The following ATG16L1 variants were observed in gnomAD, a reference collection of about 807,000 sequenced individuals.
ATG16L1 encodes the protein autophagy-related protein 16-1.
In ATG16L1, 37 loss-of-function variants were observed where a neutral mutation model predicts 88.5. That is an observed-to-expected ratio of 0.42 (90% CI 0.32 to 0.55). The LOEUF is 0.55. ATG16L1 is among the 20% of genes least tolerant of loss of function. The pLI, the probability that ATG16L1 is intolerant of heterozygous loss-of-function variation, is 0.13. For synonymous variants in ATG16L1, 301 were observed against 281.0 expected (o/e 1.07, Z -0.71); for missense variants, 554 against 752.8 (o/e 0.74, Z 3.09).
chr2:233,289,789 T>C, intron 12 of ATG16L1, 65 bp from the exon 13 acceptor site: 1 of 1,592,232 alleles, frequency 6.3e-7, no homozygotes, highest in Non-Finnish European at 8.6e-7. Flanking sequence ...ATGCTGTGGA[T>C]ACTTTGCCAG....
At position 233,289,404 on chromosome 2, in the gene ATG16L1, T is replaced by A. The variant is rs531348935; in HGVS notation, c.1204-450T>A. Among the ~76,000 whole-genome samples, 103 of 131,062 alleles carry A rather than the reference T, an allele frequency of 7.9e-4. No homozygotes were observed. In the South Asian group the frequency reaches 0.013, roughly 17 times the overall value. 86.0% of individuals were successfully genotyped at this position (131,062 alleles called of 152,430 possible). A position where few individuals can be genotyped will look rare whatever the true frequency, so the allele number is the denominator to read the frequency against. On this transcript the variant is annotated intron_variant, in intron 12 of 17. Transcript: ENST00000392017. ...GTGTGTGTGTGTGTGTGTGTGTGTG[T>A]GTGTGACAGGATCTTGCTATCACTC...
At chr2:233,257,530 C>G (rs1696877258) in intron 2 of ATG16L1, among the ~76,000 whole-genome samples, 1 of 152,118 alleles carries the variant, frequency 6.6e-6, no homozygotes, top group South Asian at 2.1e-4. Flanking sequence ...TAAGTGTAAC[C>G]TATGATACTC....
chr2:233,263,055 G>T, intron 2 of ATG16L1, 75 bp from the exon 3 acceptor site: 1 of 1,259,674 alleles, frequency 7.9e-7, no homozygotes, highest in Non-Finnish European at 1.1e-6. Context: ...TTGCCTAATT[G>T]GAAAGGTTTG....
chr2:233,253,598 A>G (rs1696566293), intron 1 of ATG16L1, among the ~76,000 whole-genome samples: 1 of 152,092 alleles, frequency 6.6e-6, no homozygotes. Flanking sequence ...TACCTGCCTC[A>G]GCCACCCAAA....
At position 233,283,734 on chromosome 2, in the gene ATG16L1, A is replaced by G. The variant is rs185234056; in HGVS notation, c.1203+981A>G. On this transcript the variant is annotated intron_variant, in intron 12 of 17. Coordinates refer to ENST00000392017, the MANE Select transcript of ATG16L1 (RefSeq NM_030803.7). Reference sequence around the variant, plus strand: ...ATATTTTTAGTAGAGATGGGGTTTCACCATGTTGGCCAGGCTGGTCTTGAA... The same window carrying G: ...ATATTTTTAGTAGAGATGGGGTTTCGCCATGTTGGCCAGGCTGGTCTTGAA... Among the ~76,000 whole-genome samples the G allele has an allele frequency of 3.6e-3, 546 of 151,978 alleles. 4 individuals carry two copies. The highest frequency in any genetic ancestry group is 0.012 in the African/African-American group (517 of 41,406).
chr2:233,263,080 C>T (rs370719376), intron 2 of ATG16L1, 50 bp from the exon 3 acceptor site: 31 of 1,508,260 alleles, frequency 2.1e-5, no homozygotes, highest in Non-Finnish European at 2.5e-5. Flanking sequence ...CTCATTTTTC[C>T]CCCTCCGTTT....
At chr2:233,279,606 T>A (rs538826052) in intron 10 of ATG16L1, among the ~76,000 whole-genome samples, 2 of 152,348 alleles carry the variant, frequency 1.3e-5, no homozygotes, top group South Asian at 4.1e-4. Context: ...AGACCTTTTC[T>A]GAAATAGTTT....
rs1275216106 is a variant in ATG16L1 at position 233,251,678 on chromosome 2, G to A, written c.-150G>A. 1 of 674,434 alleles carries A rather than the reference G, an allele frequency of 1.5e-6. No homozygotes were observed. Among genetic ancestry groups the A allele is most frequent in the Non-Finnish European group, 2.6e-6 (1 of 392,094 alleles). The allele number at this position is 674,434 out of a possible 1,614,324, so 41.8% of individuals were successfully genotyped here. On this transcript the variant is annotated 5_prime_UTR_variant, in exon 1 of 18. Transcript: ENST00000392017. Reference sequence around the variant, plus strand: ...CATTTCCGGCATGAGCCGGAAGACCGTCCCGGATGGCCTCGGGGACTGCCA... The same window carrying A: ...CATTTCCGGCATGAGCCGGAAGACCATCCCGGATGGCCTCGGGGACTGCCA...
chr2:233,292,886 T>G (rs966443562), intron 16 of ATG16L1, among the ~76,000 whole-genome samples: 1 of 152,230 alleles, frequency 6.6e-6, no homozygotes, highest in African/African-American at 2.4e-5. Context: ...GCTCAGTTGC[T>G]AAGATGTTTC....
In ATG16L1 at chr2:233,267,726, A is replaced by G. The variant is rs912598606; in HGVS notation, c.642-2276A>G. On this transcript the variant is annotated intron_variant, in intron 5 of 17. Transcript: ENST00000392017. ...GGTGAGCTGGATGCTGCTAGGTTGC[A>G]TGTTCACGTCAGCTGAGAGGCTGCT... Among the ~76,000 whole-genome samples, 9 of 152,212 alleles carry G rather than the reference A, an allele frequency of 5.9e-5. 1 individual carries two copies. The highest frequency in any genetic ancestry group is 1.2e-4 in the Non-Finnish European group (8 of 68,038).
intron 8 of ATG16L1, 187 bp downstream of exon 8, chr2:233,273,964 G>C: frequency 6.5e-7 from 1 of 1,550,276 alleles, no homozygotes; most frequent in East Asian, 2.4e-5. Flanking sequence ...ATCTCGCTGC[G>C]TGCTGATCTC....
At chr2:233,287,377 A>G (rs1699155803) in intron 12 of ATG16L1, among the ~76,000 whole-genome samples, 1 of 152,196 alleles carries the variant, frequency 6.6e-6, no homozygotes, top group Non-Finnish European at 1.5e-5. Context: ...GATGGTCCCC[A>G]ATGTAGGGTA....
intron 6 of ATG16L1, among the ~76,000 whole-genome samples, chr2:233,271,459 G>A (rs1446980006): frequency 6.6e-6 from 1 of 152,108 alleles, no homozygotes; most frequent in Non-Finnish European, 1.5e-5. Context: ...TGTATTTTTA[G>A]TAGAGATGGG....
chr2:233,285,415 C>G (rs1699009646), intron 12 of ATG16L1, among the ~76,000 whole-genome samples: 1 of 152,190 alleles, frequency 6.6e-6, no homozygotes, highest in Non-Finnish European at 1.5e-5. Context: ...GAGCAGGGAG[C>G]TAGACTGACA....
intron 12 of ATG16L1, among the ~76,000 whole-genome samples, chr2:233,286,971 C>T (rs1452139162): frequency 2.6e-5 from 4 of 152,006 alleles, no homozygotes; most frequent in African/African-American, 9.7e-5. Flanking sequence ...TACGAGGAGC[C>T]AAGAAACAAA....
At chr2:233,254,384 A>G (rs1399439432) in intron 1 of ATG16L1, among the ~76,000 whole-genome samples, 1 of 152,146 alleles carries the variant, frequency 6.6e-6, no homozygotes, top group East Asian at 1.9e-4. Context: ...GATCATTTCT[A>G]TTATAGTTTG....
intron 6 of ATG16L1, 68 bp downstream of exon 6, chr2:233,270,135 ATTTT>A: frequency 8.4e-7 from 1 of 1,195,368 alleles, no homozygotes; most frequent in Non-Finnish European, 1.1e-6. Context: ...TTTTGTTTTT[ATTTT>A]TTTTTTTGTT....
rs569340621 is a variant in ATG16L1 at position 233,295,375 on chromosome 2, CTT to C, written c.*1028_*1029del. 7.8e-5 allele frequency: 12 copies of C among 152,908 alleles called. No individual in the cohort carries two copies. The East Asian group carries it at 2.1e-3, about 26-fold the overall frequency. The allele number at this position is 152,908 out of a possible 1,614,324, so 9.5% of individuals were successfully genotyped here. A position where few individuals can be genotyped will look rare whatever the true frequency, so the allele number is the denominator to read the frequency against. On this transcript the variant is annotated 3_prime_UTR_variant, in exon 18 of 18. Transcript: ENST00000392017. Reference sequence around the variant, plus strand: ...GGTGTGCGAAACACCCTTTTTATCACTTTTAAATTTGCACTTTATTTTTTTTC... The same window carrying C: ...GGTGTGCGAAACACCCTTTTTATCACTTAAATTTGCACTTTATTTTTTTTC...
chr2:233,281,306 A>C (rs1698705196), intron 11 of ATG16L1, 131 bp downstream of exon 11: 3 of 698,352 alleles, frequency 4.3e-6, no homozygotes, highest in East Asian at 5.7e-5. Flanking sequence ...CATGTTAAAG[A>C]AAGATGGAAA....
Sources: gnomAD v4.1 joint callset for allele counts (sites outside exome capture counted in the v4.1 genomes callset) on GRCh38, gnomAD v4.1.1 for gene constraint, MANE v1.5 for transcripts, NCBI Gene and HGNC (gene_info 2026-07-23, HGNC 2026-07-21) for gene names.